ANKRD44: variants seen among roughly 807,000 people sequenced by gnomAD.
ANKRD44 encodes the protein serine/threonine-protein phosphatase 6 regulatory ankyrin repeat subunit B.
Under a neutral mutation model 116.0 loss-of-function variants are expected in ANKRD44, and 35 were observed. The observed-to-expected ratio is 0.30, with a 90% CI of 0.23 to 0.40. The LOEUF is 0.40. ANKRD44 is among the 10% of genes least tolerant of loss of function. The pLI, the probability that ANKRD44 is intolerant of heterozygous loss-of-function variation, is 1.00. For missense variants in ANKRD44, 1,014 were observed against 1,242.6 expected (o/e 0.82, Z 2.77); for synonymous variants, 435 against 461.8 (o/e 0.94, Z 0.74).
At chr2:197,023,430 A>G (rs1403856626) in intron 17 of ANKRD44, among the ~76,000 whole-genome samples, 1 of 152,168 alleles carries the variant, frequency 6.6e-6, no homozygotes. Context: ...CCTCCACTTG[A>G]TGTACCTTTC....
At chr2:197,033,999 T>C (rs1188790077) in intron 16 of ANKRD44, among the ~76,000 whole-genome samples, 1 of 150,394 alleles carries the variant, frequency 6.6e-6, no homozygotes, top group African/African-American at 2.5e-5. Flanking sequence ...ATATTCAGCA[T>C]GGCTCAGATA....
At chr2:197,260,663 C>T in intron 1 of ANKRD44, among the ~76,000 whole-genome samples, 1 of 152,082 alleles carries the variant, frequency 6.6e-6, no homozygotes, top group Non-Finnish European at 1.5e-5. Flanking sequence ...TCCACACTGA[C>T]TTCCACAACG....
intron 1 of ANKRD44, among the ~76,000 whole-genome samples, chr2:197,211,354 A>G (rs928534973): frequency 3.9e-5 from 6 of 152,206 alleles, no homozygotes; most frequent in Non-Finnish European, 5.9e-5. Context: ...TTTTCTGCAT[A>G]TCCCAGTGAA....
intron 16 of ANKRD44, among the ~76,000 whole-genome samples, chr2:197,066,892 C>A (rs570363923): frequency 2.6e-5 from 4 of 152,320 alleles, no homozygotes; most frequent in Admixed American, 2.6e-4. Flanking sequence ...CCATCCCCAT[C>A]AAGCTACCAA....
rs60018972 is a variant in ANKRD44, at chr2:197,034,050, TAG to T, written c.1651-8785_1651-8784del. On this transcript the variant is annotated intron_variant, in intron 16 of 27. Coordinates refer to ENST00000282272, the MANE Select transcript of ANKRD44 (RefSeq NM_001195144.2). The stretch of plus-strand genomic sequence containing the variant: ...TGTCTCAGGGGAGGCATATGAGGGC[TAG>T]AGAGAGAGAGAGAGAGAGAGAGAGA... Among the ~76,000 whole-genome samples the T allele has an allele frequency of 2.8e-3, 311 of 110,638 alleles. 1 individual carries two copies. Among genetic ancestry groups the T allele is most frequent in the African/African-American group, 8.1e-3 (234 of 29,006 alleles). The allele number at this position is 110,638 out of a possible 152,430, so 72.6% of individuals were successfully genotyped here.
intron 1 of ANKRD44, among the ~76,000 whole-genome samples, chr2:197,270,668 C>T (rs1355920605): frequency 6.6e-6 from 1 of 152,176 alleles, no homozygotes; most frequent in Non-Finnish European, 1.5e-5. Flanking sequence ...TCCCAAGGGC[C>T]TCCAGTCTCA....
chr2:197,079,931 C>A (rs1020760020), intron 15 of ANKRD44, among the ~76,000 whole-genome samples: 122 of 152,236 alleles, frequency 8.0e-4, no homozygotes, highest in Middle Eastern at 3.4e-3. Context: ...TTTAAAAAAA[C>A]CAAATACCCA....
chr2:197,275,862 T>C (rs2083066765), intron 1 of ANKRD44, among the ~76,000 whole-genome samples: 3 of 152,204 alleles, frequency 2.0e-5, no homozygotes, highest in African/African-American at 7.2e-5. Context: ...GTTTATATAA[T>C]TATCTAAGTC....
intron 16 of ANKRD44, among the ~76,000 whole-genome samples, chr2:197,045,570 G>A (rs555526864): frequency 2.6e-5 from 4 of 152,060 alleles, no homozygotes; most frequent in African/African-American, 4.8e-5. Context: ...AAATTACCAG[G>A]AAGAAAGCAA....
Position 197,170,190 on chromosome 2 carries a change from CAAAAAAAA to C in ANKRD44, c.111+16825_111+16832del, listed in dbSNP as rs71012960. Among the ~76,000 whole-genome samples, 791 of 119,742 alleles carry C rather than the reference CAAAAAAAA, an allele frequency of 6.6e-3. 10 individuals carry two copies. The highest frequency in any genetic ancestry group is 0.023 in the African/African-American group (708 of 30,508). 78.6% of individuals were successfully genotyped at this position (119,742 alleles called of 152,430 possible). Reference sequence around the variant, plus strand: ...GGGCGATAGAACAAGACCCTGTTTCCAAAAAAAAAAAAAAAAAAAAAAAACTGGGAGGC... The same window carrying C: ...GGGCGATAGAACAAGACCCTGTTTCCAAAAAAAAAAAAAAAACTGGGAGGC... On this transcript the variant is annotated intron_variant, in intron 2 of 27. Transcript: ENST00000282272.
In ANKRD44 at chr2:196,988,830, C is replaced by T; in HGVS notation, c.*761G>A. ...GTGCCCACACACTGCCATCATTTCT[C>T]ATCAGGTTACTGAGACTATGTGAGC... On this transcript the variant is annotated 3_prime_UTR_variant, in exon 28 of 28. Coordinates refer to ENST00000282272, the MANE Select transcript of ANKRD44 (RefSeq NM_001195144.2). 1.0e-6 allele frequency: 1 copy of T among 985,438 alleles called. No individual in the cohort carries two copies. The highest frequency in any genetic ancestry group is 1.2e-6 in the Non-Finnish European group (1 of 829,934). The allele number at this position is 985,438 out of a possible 1,614,324, so 61.0% of individuals were successfully genotyped here.
intron 21 of ANKRD44, among the ~76,000 whole-genome samples, chr2:196,976,982 A>C (rs888725768): frequency 1.3e-5 from 2 of 152,168 alleles, no homozygotes; most frequent in Non-Finnish European, 2.9e-5. Context: ...GCAAGGTTGC[A>C]GGATAAACGA....
At chr2:197,172,386 C>T (rs1574604259) in intron 2 of ANKRD44, among the ~76,000 whole-genome samples, 1 of 152,164 alleles carries the variant, frequency 6.6e-6, no homozygotes, top group East Asian at 1.9e-4. Context: ...CACCAAATCC[C>T]CCTACCCATG....
intron 17 of ANKRD44, chr2:197,015,827 G>A (rs1270280362): frequency 3.9e-6 from 2 of 509,446 alleles, no homozygotes; most frequent in African/African-American, 2.0e-5. Context: ...AATGAAGGAG[G>A]AAACTTTGGT....
chr2:197,000,576 T>C, intron 22 of ANKRD44, 74 bp from the exon 23 acceptor site: 3 of 1,174,218 alleles, frequency 2.6e-6, no homozygotes, highest in Non-Finnish European at 3.8e-6. Flanking sequence ...CATCTTCCTA[T>C]GTACTGTATA....
intron 3 of ANKRD44, among the ~76,000 whole-genome samples, chr2:197,141,730 C>T (rs2079372615): frequency 6.6e-6 from 1 of 152,202 alleles, no homozygotes; most frequent in South Asian, 2.1e-4. Flanking sequence ...AAAACCTCCT[C>T]TCCCCCATAA....
intron 2 of ANKRD44, among the ~76,000 whole-genome samples, chr2:197,186,688 T>C (rs1332569684): frequency 7.1e-6 from 1 of 140,478 alleles, no homozygotes; most frequent in African/African-American, 2.6e-5. Flanking sequence ...CTCAAACTCC[T>C]GGGCTCAAGT....
At chr2:197,239,615 C>A (rs1255074476) in intron 1 of ANKRD44, among the ~76,000 whole-genome samples, 2 of 152,204 alleles carry the variant, frequency 1.3e-5, no homozygotes, top group Non-Finnish European at 2.9e-5. Context: ...CAGTTTCTTC[C>A]ACAGATTACT....
intron 21 of ANKRD44, among the ~76,000 whole-genome samples, chr2:196,979,554 C>CATTTTTT (rs2075785197): frequency 4.9e-4 from 29 of 59,648 alleles, no homozygotes; most frequent in African/African-American, 1.8e-3. Context: ...AATAAGATGA[C>CATTTTTT]TTTTTTTTTT....
Sources: gnomAD v4.1 joint callset for allele counts (sites outside exome capture counted in the v4.1 genomes callset) on GRCh38, gnomAD v4.1.1 for gene constraint, MANE v1.5 for transcripts, NCBI Gene and HGNC (gene_info 2026-07-23, HGNC 2026-07-21) for gene names.